CLYBL: variants seen among roughly 807,000 people sequenced by gnomAD.
CLYBL encodes citramalyl-CoA lyase.
A neutral mutation model predicts 38.9 loss-of-function variants in CLYBL; 31 were observed. That is an observed-to-expected ratio of 0.80 (90% CI 0.60 to 1.08). The LOEUF (loss-of-function observed/expected upper bound fraction) is 1.08. CLYBL is among the 50% of genes least tolerant of loss of function. The pLI is 0.00. For synonymous variants in CLYBL, 171 were observed against 158.6 expected (o/e 1.08, Z -0.59); for missense variants, 434 against 411.6 (o/e 1.05, Z -0.47).
chr13:99,653,153 G>T (rs931412279), intron 1 of CLYBL, among the ~76,000 whole-genome samples: 1 of 152,294 alleles, frequency 6.6e-6, no homozygotes, highest in Non-Finnish European at 1.5e-5. Flanking sequence ...GAGTGGTGGA[G>T]AGTGAGGTTG....
intron 1 of CLYBL, among the ~76,000 whole-genome samples, chr13:99,684,942 A>C (rs2047796257): frequency 6.6e-6 from 1 of 152,252 alleles, no homozygotes; most frequent in South Asian, 2.1e-4. Flanking sequence ...TATGTGACCA[A>C]TTGTTTGATA....
At chr13:99,894,889 G>C (rs1033804733), downstream of CLYBL, 1 of 152,152 alleles carries the variant, frequency 6.6e-6, no homozygotes, top group Non-Finnish European at 1.5e-5. Context: ...GAGTCAGGCA[G>C]TGTCTGTGAG....
chr13:99,773,050 G>A (rs2138795405), intron 2 of CLYBL, 40 bp downstream of exon 2: 1 of 1,566,116 alleles, frequency 6.4e-7, no homozygotes, highest in Non-Finnish European at 8.7e-7. Flanking sequence ...GAAAGGTATT[G>A]AAATTTGCTT....
At position 99,647,357 on chromosome 13, in the gene CLYBL, C is replaced by G. The variant is rs375324875; in HGVS notation, c.62+40600C>G. The stretch of plus-strand genomic sequence containing the variant: ...CTGAAAAACCTTCTTAGGGAAGGCT[C>G]CCGCCCCACCTAGAGCTTCCCAATT... On this transcript the variant is annotated intron_variant, in intron 1 of 8. Coordinates refer to ENST00000339105, the MANE Select transcript of CLYBL (RefSeq NM_206808.5). Among the ~76,000 whole-genome samples the G allele has an allele frequency of 2.5e-4, 38 of 152,226 alleles. 1 individual carries two copies. In the South Asian group the frequency reaches 6.0e-3, roughly 24 times the overall value.
rs1167068936 is a variant in CLYBL, at chr13:99,674,142, C to CTTTTTT, written c.62+67407_62+67412dup. On this transcript the variant is annotated intron_variant, in intron 1 of 8. Transcript: ENST00000339105. The stretch of plus-strand genomic sequence containing the variant: ...TCGTTTTTTTTTAGCTACTAGAATT[C>CTTTTTT]TTTTTTTTTTTTTTTTTTTTTTTTT... 2.5e-4 allele frequency among the ~76,000 whole-genome samples: 13 copies of CTTTTTT among 51,148 alleles called. 1 individual carries two copies. The highest frequency in any genetic ancestry group is 7.0e-4 in the African/African-American group (8 of 11,416). The allele number at this position is 51,148 out of a possible 152,430, so 33.6% of individuals were successfully genotyped here. A position where few individuals can be genotyped will look rare whatever the true frequency, so the allele number is the denominator to read the frequency against.
intron 7 of CLYBL, among the ~76,000 whole-genome samples, chr13:99,887,107 C>T (rs937950334): frequency 6.6e-6 from 1 of 152,204 alleles, no homozygotes; most frequent in Non-Finnish European, 1.5e-5. Flanking sequence ...ACCATTTCTA[C>T]CTGGGGGAGC....
chr13:99,813,871 A>G (rs902623027), intron 2 of CLYBL, among the ~76,000 whole-genome samples: 1 of 152,154 alleles, frequency 6.6e-6, no homozygotes, highest in African/African-American at 2.4e-5. Flanking sequence ...CCAATAAGCT[A>G]CTTAAAATGG....
intron 1 of CLYBL, among the ~76,000 whole-genome samples, chr13:99,670,310 T>C (rs935008406): frequency 6.6e-6 from 1 of 152,144 alleles, no homozygotes; most frequent in Admixed American, 6.5e-5. Context: ...TGAGCTATGA[T>C]TGCGTCTGTG....
chr13:99,839,677 A>ATCTT (rs972785864), intron 2 of CLYBL, among the ~76,000 whole-genome samples: 15 of 152,024 alleles, frequency 9.9e-5, no homozygotes, highest in Non-Finnish European at 7.4e-5. Flanking sequence ...TAAAAGATTA[A>ATCTT]TCTTTTAAAA....
intron 1 of CLYBL, among the ~76,000 whole-genome samples, chr13:99,699,816 A>C (rs1270750372): frequency 2.0e-5 from 3 of 151,318 alleles, no homozygotes; most frequent in Non-Finnish European, 4.4e-5. Flanking sequence ...ACAAGGTGAA[A>C]CCCCGTCTCT....
intron 1 of CLYBL, among the ~76,000 whole-genome samples, chr13:99,748,180 G>C (rs1281886764): frequency 6.6e-6 from 1 of 151,974 alleles, no homozygotes; most frequent in Non-Finnish European, 1.5e-5. Flanking sequence ...AGAAGTTCGA[G>C]ACCAGCGTGG....
chr13:99,692,001 A>C (rs2047909983), intron 1 of CLYBL, among the ~76,000 whole-genome samples: 2 of 152,206 alleles, frequency 1.3e-5, no homozygotes, highest in African/African-American at 4.8e-5. Flanking sequence ...AAGTAATAAC[A>C]GTTTCAGAAC....
intron 1 of CLYBL, among the ~76,000 whole-genome samples, chr13:99,683,874 T>A (rs2047776933): frequency 6.8e-6 from 1 of 147,990 alleles, no homozygotes; most frequent in Non-Finnish European, 1.5e-5. Context: ...TATATAAAAT[T>A]TTTTTTTTTT....
intron 1 of CLYBL, among the ~76,000 whole-genome samples, chr13:99,679,017 A>T (rs1401449736): frequency 6.6e-6 from 1 of 152,126 alleles, no homozygotes; most frequent in Non-Finnish European, 1.5e-5. Flanking sequence ...TGTATACGCC[A>T]GGCGTGGAGG....
chr13:99,890,339 A>T (rs1046647971), intron 7 of CLYBL, among the ~76,000 whole-genome samples: 1 of 152,138 alleles, frequency 6.6e-6, no homozygotes, highest in Admixed American at 6.5e-5. Flanking sequence ...CACAGTCTAT[A>T]TAAGTATGGT....
chr13:99,680,073 C>T (rs1030275329), intron 1 of CLYBL, among the ~76,000 whole-genome samples: 3 of 152,198 alleles, frequency 2.0e-5, no homozygotes, highest in African/African-American at 7.2e-5. Context: ...ACTTTGAAAA[C>T]TGGCTCGTGT....
chr13:99,632,849 A>G (rs1298486438), intron 1 of CLYBL, among the ~76,000 whole-genome samples: 1 of 152,236 alleles, frequency 6.6e-6, no homozygotes, highest in African/African-American at 2.4e-5. Context: ...GTTACAATTA[A>G]TAGACAAGGA....
chr13:99,866,518 C>T, intron 6 of CLYBL, 111 bp downstream of exon 6: 1 of 858,090 alleles, frequency 1.2e-6, no homozygotes, highest in Non-Finnish European at 1.7e-6. Context: ...ATACTTACTC[C>T]ACTATTTGAA....
chr13:99,880,281 T>G (rs1230394089), intron 7 of CLYBL, among the ~76,000 whole-genome samples: 1 of 151,924 alleles, frequency 6.6e-6, no homozygotes, highest in East Asian at 1.9e-4. Context: ...GCCAGGCTGG[T>G]CTCGAACTCC....
Sources: allele counts gnomAD v4.1 joint callset (sites outside exome capture counted in the v4.1 genomes callset), GRCh38; gene constraint gnomAD v4.1.1; transcripts MANE v1.5; gene names NCBI Gene and HGNC (gene_info 2026-07-23, HGNC 2026-07-21).